SPTBN4: variants seen among roughly 807,000 people sequenced by gnomAD.
SPTBN4 encodes the protein spectrin beta, non-erythrocytic 4.
A neutral mutation model predicts 277.8 loss-of-function variants in SPTBN4; 96 were observed. The observed-to-expected ratio is 0.35, with a 90% CI of 0.29 to 0.41. The LOEUF (loss-of-function observed/expected upper bound fraction) is 0.41, where lower values mean the gene tolerates loss of function less well. SPTBN4 is among the 10% of genes least tolerant of loss of function. The pLI is 1.00. For missense variants in SPTBN4, 3,006 were observed against 3,595.7 expected, an observed-to-expected ratio of 0.84 and a Z score of 4.19; for synonymous variants, 1,481 against 1,580.3, an observed-to-expected ratio of 0.94 and a Z score of 1.49.
At position 40,502,709 on chromosome 19, in the gene SPTBN4, C is replaced by T. The variant is rs1378519311; in HGVS notation, c.1204-66C>T. On this transcript the variant is annotated intron_variant, in intron 10 of 35. Coordinates refer to ENST00000598249, the MANE Select transcript of SPTBN4 (RefSeq NM_020971.3). The surrounding 1 kb of genome is among the most constrained non-coding windows in gnomAD (Gnocchi z 4.9). ...CCATAATGCTATGAGTGACCTCAGA[C>T]TAAGTCAAGACCATTAAACTGTGGG... is the stretch of plus-strand genomic sequence containing the variant. 1 of 1,572,362 alleles carries T rather than the reference C, an allele frequency of 6.4e-7. No individual in the cohort carries two copies. Among genetic ancestry groups the T allele is most frequent in the Non-Finnish European group, 8.6e-7 (1 of 1,159,376 alleles).
chr19:40,528,724 T>C (rs1169046714), intron 17 of SPTBN4, among the ~76,000 whole-genome samples: 2 of 152,122 alleles, frequency 1.3e-5, no homozygotes, highest in East Asian at 1.9e-4. Flanking sequence ...GTTTTGTTTT[T>C]GTCCCTAGGT....
chr19:40,542,912 G>A (rs1379171707), intron 20 of SPTBN4, among the ~76,000 whole-genome samples: 2 of 151,826 alleles, frequency 1.3e-5, no homozygotes, highest in Non-Finnish European at 2.9e-5. Flanking sequence ...CACAAATTAT[G>A]TCTTCAATTT....
At chr19:40,525,713 GA>G (rs2080582795) in intron 17 of SPTBN4, among the ~76,000 whole-genome samples, 1 of 152,212 alleles carries the variant, frequency 6.6e-6, no homozygotes, top group African/African-American at 2.4e-5. Flanking sequence ...GACCAGGACA[GA>G]ACATGATTCC....
intron 1 of SPTBN4, among the ~76,000 whole-genome samples, chr19:40,468,053 G>A (rs942104380): frequency 2.0e-5 from 3 of 151,390 alleles, no homozygotes; most frequent in South Asian, 4.2e-4. Flanking sequence ...TTCAAACACC[G>A]CTAAGAAACG....
chr19:40,526,544 C>T (rs2145887502), intron 17 of SPTBN4, among the ~76,000 whole-genome samples: 1 of 152,118 alleles, frequency 6.6e-6, no homozygotes, highest in South Asian at 2.1e-4. Flanking sequence ...GAGTCATGGC[C>T]AGGAAGTGCC....
Position 40,475,207 on chromosome 19 carries a change from C to A in SPTBN4, c.169+2417C>A, listed in dbSNP as rs144990712. On this transcript the variant is annotated intron_variant, in intron 2 of 35. Coordinates refer to ENST00000598249, the MANE Select transcript of SPTBN4 (RefSeq NM_020971.3). ...CATCAGCATTAAAACTGGCAAAGACCCTGAGGAGCCTCAGAGATATGGAAC... is the reference window on the plus strand; with the variant it reads ...CATCAGCATTAAAACTGGCAAAGACACTGAGGAGCCTCAGAGATATGGAAC... Among the ~76,000 whole-genome samples the A allele has an allele frequency of 1.8e-4, 28 of 152,118 alleles. 1 individual carries two copies. Among genetic ancestry groups the A allele is most frequent in the African/African-American group, 6.3e-4 (26 of 41,498 alleles).
chr19:40,511,767 C>T (rs2080393576), intron 13 of SPTBN4, among the ~76,000 whole-genome samples: 1 of 151,916 alleles, frequency 6.6e-6, no homozygotes, highest in Non-Finnish European at 1.5e-5. Flanking sequence ...GTGCAGATAA[C>T]CACTGGGATT....
At position 40,560,520 on chromosome 19, in the gene SPTBN4, G is replaced by A. The variant is rs1338634449; in HGVS notation, c.5915+117G>A. On this transcript the variant is annotated intron_variant, in intron 27 of 35. Coordinates refer to ENST00000598249, the MANE Select transcript of SPTBN4 (RefSeq NM_020971.3). The surrounding 1 kb of genome is among the most constrained non-coding windows in gnomAD (Gnocchi z 5.2). ...TGACAACAGCCAATATCTGTGTGGCGCCTCTGTGTGCTAGGCACTGTTCTA... is the reference window on the plus strand; with the variant it reads ...TGACAACAGCCAATATCTGTGTGGCACCTCTGTGTGCTAGGCACTGTTCTA... 18 of 1,576,224 alleles carry A rather than the reference G, an allele frequency of 1.1e-5. No individual in the cohort carries two copies. The highest frequency in any genetic ancestry group is 2.2e-5 in the East Asian group (1 of 44,502).
chr19:40,548,812 C>A (rs886466008), intron 20 of SPTBN4, among the ~76,000 whole-genome samples: 7 of 152,062 alleles, frequency 4.6e-5, no homozygotes, highest in Non-Finnish European at 1.0e-4. Flanking sequence ...CTTCTCTTGG[C>A]CTTGGTTTCC....
chr19:40,508,323 G>C (rs998872029), intron 13 of SPTBN4, among the ~76,000 whole-genome samples: 3 of 152,176 alleles, frequency 2.0e-5, no homozygotes, highest in African/African-American at 7.2e-5. Context: ...GTCCCTCTGT[G>C]GTCAAACGAA....
rs1297378556 is a variant in SPTBN4 at position 40,549,242 on chromosome 19, G to A, written c.4413G>A (p.Ala1471=). The stretch of plus-strand genomic sequence containing the variant: ...ACCGCGAGGTGGGAGAGCTGCAGGC[G>A]CAGACGGCGGCGCTGCCGCTGGAGC... ...EWYREVGELQ[A]QTAALPLEPA... The change falls in exon 21 of 36, where the codon GCG becomes GCA. Residue 1471 remains alanine (A), a synonymous_variant. Coordinates refer to ENST00000598249, the MANE Select transcript of SPTBN4 (RefSeq NM_020971.3). 3.2e-6 allele frequency: 5 copies of A among 1,547,606 alleles called. No homozygotes were observed. The South Asian group carries it at 6.0e-5, about 18-fold the overall frequency.
At chr19:40,513,580 G>C (rs778280286) in intron 14 of SPTBN4, 26 bp downstream of exon 14, 2 of 1,509,358 alleles carry the variant, frequency 1.3e-6, no homozygotes, top group South Asian at 2.5e-5. Context: ...TGGGACTCCG[G>C]GGTCCCCTTC....
intron 26 of SPTBN4, among the ~76,000 whole-genome samples, chr19:40,558,141 T>C (rs996390286): frequency 5.5e-4 from 83 of 151,802 alleles, no homozygotes; most frequent in Admixed American, 1.1e-3. Context: ...GGGCAGATCA[T>C]GAGGTCAGGA....
chr19:40,521,864 G>T (rs1303321825), intron 16 of SPTBN4, among the ~76,000 whole-genome samples: 1 of 152,204 alleles, frequency 6.6e-6, no homozygotes, highest in Admixed American at 6.5e-5. Context: ...GCCCAGGCTG[G>T]TCTCCAGCTC....
chr19:40,569,190 T>G (rs991240885), intron 31 of SPTBN4, among the ~76,000 whole-genome samples: 1 of 151,474 alleles, frequency 6.6e-6, no homozygotes, highest in African/African-American at 2.4e-5. Context: ...CTTTGGGAGG[T>G]TGAGGCGGGC....
Position 40,502,079 on chromosome 19 carries a change from G to A in SPTBN4, c.897+46G>A. The A allele has an allele frequency of 6.2e-7, 1 of 1,613,652 alleles. No homozygotes were observed. The highest frequency in any genetic ancestry group is 1.3e-5 in the African/African-American group (1 of 75,062). On this transcript the variant is annotated intron_variant, in intron 8 of 35. Transcript: ENST00000598249. This position sits in a 1 kb window ranked among gnomAD's most constrained non-coding sequence, Gnocchi z 4.9. ...GGTGAGTGGGAAGCTGGAAGCTGGT[G>A]GCAGGCACGGGTGGGATGAGGCTGA...
In SPTBN4 at chr19:40,534,608, G is replaced by A. The variant is rs955342208; in HGVS notation, c.4359+265G>A. 6 of 468,132 alleles carry A rather than the reference G, an allele frequency of 1.3e-5. No individual in the cohort carries two copies. The Admixed American group carries it at 1.4e-4, about 11-fold the overall frequency. The allele number at this position is 468,132 out of a possible 1,614,324, so 29.0% of individuals were successfully genotyped here. A position where few individuals can be genotyped will look rare whatever the true frequency, so the allele number is the denominator to read the frequency against. On this transcript the variant is annotated intron_variant, in intron 20 of 35. Transcript: ENST00000598249. Reference sequence around the variant, plus strand: ...GTAGGTAAATGACTAGCATGCTAAAGGTTTCACAGGACCCTGACACTCATT... The same window carrying A: ...GTAGGTAAATGACTAGCATGCTAAAAGTTTCACAGGACCCTGACACTCATT...
intron 24 of SPTBN4, chr19:40,555,215 TAGG>T (rs761692390): frequency 6.6e-6 from 1 of 151,508 alleles, no homozygotes; most frequent in African/African-American, 2.4e-5. Flanking sequence ...GGTTCCTGGA[TAGG>T]AGGGGCGTGA....
chr19:40,478,060 G>C (rs1368076521), intron 2 of SPTBN4, among the ~76,000 whole-genome samples: 1 of 151,896 alleles, frequency 6.6e-6, no homozygotes, highest in Non-Finnish European at 1.5e-5. Context: ...GGCTGGTCTC[G>C]AACTCCTGAC....
Sources: gnomAD v4.1 joint callset for allele counts (sites outside exome capture counted in the v4.1 genomes callset) on GRCh38, gnomAD v4.1.1 for gene constraint, Gnocchi (gnomAD v3.1) non-coding constraint, MANE v1.5 for transcripts, NCBI Gene and HGNC (gene_info 2026-07-23, HGNC 2026-07-21) for gene names.